The following YTHDC2 variants were observed in gnomAD, a reference collection of about 807,000 sequenced individuals.
YTHDC2 encodes the protein 3'-5' RNA helicase YTHDC2.
In YTHDC2, 45 loss-of-function variants were observed where a neutral mutation model predicts 174.9. The observed-to-expected ratio is 0.26, with a 90% CI of 0.20 to 0.33. The LOEUF is 0.33. Among genes scored for constraint, YTHDC2 ranks in the 10% least tolerant of loss-of-function variants. The pLI, the probability that YTHDC2 is intolerant of heterozygous loss-of-function variation, is 1.00. For synonymous variants in YTHDC2, 657 were observed against 574.5 expected (o/e 1.14, Z -2.05); for missense variants, 1,650 against 1,723.7 (o/e 0.96, Z 0.76).
intron 17 of YTHDC2, among the ~76,000 whole-genome samples, chr5:113,560,150 C>T (rs1239488808): frequency 1.3e-5 from 2 of 152,152 alleles, no homozygotes; most frequent in Non-Finnish European, 2.9e-5. Context: ...ATTAGGCATC[C>T]ACCTTATAGT....
chr5:113,540,839 T>A (rs1344693478), intron 8 of YTHDC2, 129 bp from the exon 9 acceptor site: 1 of 786,416 alleles, frequency 1.3e-6, no homozygotes, highest in Non-Finnish European at 1.9e-6. Flanking sequence ...AATATATTTT[T>A]TAAAAGTAAC....
In YTHDC2 at chr5:113,514,113, G is replaced by T. The variant is rs747864421; in HGVS notation, c.187+31G>T. On this transcript the variant is annotated intron_variant, in intron 1 of 29. Transcript: ENST00000161863. ...GTTCCGGACAGGGACCATGCTGGCA[G>T]TCAGGATACCCCCCTCACCCCAGCG... 5.6e-6 allele frequency: 9 copies of T among 1,598,834 alleles called. No homozygotes were observed. The South Asian group carries it at 1.0e-4, about 18-fold the overall frequency.
rs141717870 is a variant in YTHDC2, at chr5:113,584,405, T to C, written c.3751T>C (p.Ser1251Pro). The C allele has an allele frequency of 2.2e-4, 357 of 1,613,876 alleles. 1 individual carries two copies. In the African/African-American group the frequency reaches 4.4e-3, roughly 20 times the overall value. The change falls in exon 26 of 30, where the codon TCT becomes CCT. Residue 1251 changes from serine (S) to proline (P), a missense_variant. Ser to Pro is a moderately conservative substitution (Grantham distance 74). This residue lies in a region of YTHDC2 where 913 missense variants were observed against 940.4 expected (regional missense o/e 0.97). Coordinates refer to ENST00000161863, the MANE Select transcript of YTHDC2 (RefSeq NM_022828.5). ...AGGTACTGAGGACCGATCAGATCAG[T>C]CTTCTCTGAAATCTACAGACAGCAG... ...KRGTEDRSDQ[S>P]SLKSTDSSSY... is the part of the protein sequence containing the mutation.
At position 113,564,111 on chromosome 5, in the gene YTHDC2, G is replaced by A; in HGVS notation, c.2695G>A (p.Ala899Thr). The A allele has an allele frequency of 1.2e-6, 2 of 1,614,004 alleles. No homozygotes were observed. The highest frequency in any genetic ancestry group is 8.5e-7 in the Non-Finnish European group (1 of 1,179,986). The change falls in exon 20 of 30, where the codon GCA becomes ACA. Residue 899 changes from alanine to threonine, a missense_variant. Ala to Thr is a moderately conservative substitution (Grantham distance 58). Coordinates refer to ENST00000161863, the MANE Select transcript of YTHDC2 (RefSeq NM_022828.5). ...TGCAGGAGCTTTCAGTGACCATATG[G>A]CACTTCTCAGAGCATTCCAGGTACT... ...FTAGAFSDHM[A>T]LLRAFQAWQK...
intron 8 of YTHDC2, 105 bp from the exon 9 acceptor site, chr5:113,540,863 C>A (rs1485794183): frequency 3.1e-5 from 34 of 1,101,560 alleles, no homozygotes; most frequent in Non-Finnish European, 4.0e-5. Context: ...AGAATAAGAC[C>A]AACTTTTAAG....
chr5:113,537,435 A>G (rs1775161376), intron 7 of YTHDC2, among the ~76,000 whole-genome samples: 1 of 144,760 alleles, frequency 6.9e-6, no homozygotes, highest in African/African-American at 2.6e-5. Flanking sequence ...GCTAAACCTC[A>G]TTCTTCATTA....
chr5:113,557,556 G>A (rs1776695246), intron 17 of YTHDC2, among the ~76,000 whole-genome samples: 1 of 152,144 alleles, frequency 6.6e-6, no homozygotes, highest in African/African-American at 2.4e-5. Flanking sequence ...CACTTTGGGA[G>A]CCTGAGGTGG....
At chr5:113,551,819 TC>T (rs779581184) in intron 12 of YTHDC2, among the ~76,000 whole-genome samples, 3 of 152,146 alleles carry the variant, frequency 2.0e-5, no homozygotes, top group Non-Finnish European at 4.4e-5. Flanking sequence ...TTGAAAATAG[TC>T]TTACGTTATT....
chr5:113,540,012 C>G (rs1298516173), intron 8 of YTHDC2, among the ~76,000 whole-genome samples: 1 of 152,156 alleles, frequency 6.6e-6, no homozygotes, highest in African/African-American at 2.4e-5. Context: ...AGGGATCCTC[C>G]CACCTCAGCC....
rs1776387642 is a variant in YTHDC2 at position 113,553,320 on chromosome 5, A to T, written c.1828A>T (p.Met610Leu). Reference sequence around the variant, plus strand: ...TGAAAAAGTAGACTTGGATTTGATCATGCATCTTCTATACAATATCTGCCA... The same window carrying T: ...TGAAAAAGTAGACTTGGATTTGATCTTGCATCTTCTATACAATATCTGCCA... Reference protein sequence around the residue: ...DDEKVDLDLIMHLLYNICHSC... With the variant: ...DDEKVDLDLILHLLYNICHSC... The change falls in exon 13 of 30, where the codon ATG becomes TTG. Residue 610 changes from methionine to leucine, a missense_variant. Around this residue, in one of 5 missense-constraint regions of YTHDC2, gnomAD observed 411 missense variants for 380.6 expected, o/e 1.08. Coordinates refer to ENST00000161863, the MANE Select transcript of YTHDC2 (RefSeq NM_022828.5). The T allele has an allele frequency of 1.9e-6, 3 of 1,610,368 alleles. No individual in the cohort carries two copies. The highest frequency in any genetic ancestry group is 8.5e-7 in the Non-Finnish European group (1 of 1,178,694).
chr5:113,552,513 A>G (rs1440240896), intron 12 of YTHDC2, among the ~76,000 whole-genome samples: 1 of 152,120 alleles, frequency 6.6e-6, no homozygotes, highest in East Asian at 1.9e-4. Context: ...TATTTTTATG[A>G]CTAATACATA....
At position 113,532,965 on chromosome 5, in the gene YTHDC2, C is replaced by T. The variant is rs199867041; in HGVS notation, c.762C>T (p.Ile254=). 5.4e-5 allele frequency: 87 copies of T among 1,614,168 alleles called. No individual in the cohort carries two copies. Among genetic ancestry groups the T allele is most frequent in the Non-Finnish European group, 6.5e-5 (77 of 1,180,030 alleles). The stretch of plus-strand genomic sequence containing the variant: ...CTCAACCAAGACGATTGGCAGCTAT[C>T]GCTGTGGCTGAAAGAGTTGCCGCAG... ...FCTQPRRLAA[I]AVAERVAAER... Residue 254 remains isoleucine (I), a synonymous_variant, in exon 5 of 30, where the codon ATC becomes ATT. Transcript: ENST00000161863.
At chr5:113,592,581 TTTC>T (rs1779066946) in intron 28 of YTHDC2, 1 of 152,868 alleles carries the variant, frequency 6.5e-6, no homozygotes. Flanking sequence ...ATATAATTTA[TTTC>T]TTATGATTAA....
At chr5:113,562,772 C>T (rs1371073633) in intron 18 of YTHDC2, among the ~76,000 whole-genome samples, 1 of 152,182 alleles carries the variant, frequency 6.6e-6, no homozygotes, top group African/African-American at 2.4e-5. Context: ...CTATCTGTAA[C>T]TTCCCATGGT....
chr5:113,543,606 A>G (rs1775634101), intron 10 of YTHDC2, among the ~76,000 whole-genome samples: 1 of 152,196 alleles, frequency 6.6e-6, no homozygotes, highest in African/African-American at 2.4e-5. Context: ...TCCTTTCATA[A>G]AGGAAATTGG....
Position 113,514,081 on chromosome 5 carries a change from A to T in YTHDC2, c.186A>T (p.Arg62Ser). Residue 62 changes from arginine (R) to serine (S), a missense_variant and splice_region_variant, in exon 1 of 30, where the codon AGA (arginine) becomes AGT (serine). Physicochemically the swap from Arg to Ser is moderately radical, Grantham distance 110. Around this residue, in one of 5 missense-constraint regions of YTHDC2, gnomAD observed 304 missense variants for 341.4 expected, o/e 0.89. Coordinates refer to ENST00000161863, the MANE Select transcript of YTHDC2 (RefSeq NM_022828.5). The stretch of plus-strand genomic sequence containing the variant: ...AGCGCTTCCGATACGGGGACCAGAG[A>T]GGTGAGGTTCCGGACAGGGACCATG... ...ALERFRYGDQ[R>S]EMEFPSSLTS... 1 of 1,611,130 alleles carries T rather than the reference A, an allele frequency of 6.2e-7. No homozygotes were observed. Among genetic ancestry groups the T allele is most frequent in the Non-Finnish European group, 8.5e-7 (1 of 1,178,928 alleles).
intron 10 of YTHDC2, 142 bp from the exon 11 acceptor site, chr5:113,548,399 G>A (rs1433182807): frequency 1.4e-6 from 1 of 690,554 alleles, no homozygotes. Flanking sequence ...GGGTTATGTA[G>A]TGCTGTCATT....
intron 24 of YTHDC2, among the ~76,000 whole-genome samples, chr5:113,580,998 A>G (rs950244433): frequency 6.6e-6 from 1 of 152,098 alleles, no homozygotes; most frequent in African/African-American, 2.4e-5. Context: ...ATATTTTGCA[A>G]TCATTTAGGA....
At chr5:113,576,296 A>G (rs1481525557) in intron 23 of YTHDC2, among the ~76,000 whole-genome samples, 1 of 152,160 alleles carries the variant, frequency 6.6e-6, no homozygotes, top group Non-Finnish European at 1.5e-5. Context: ...GTTTCAAGAA[A>G]GGAGTGGTTA....
Sources: allele counts gnomAD v4.1 joint callset (sites outside exome capture counted in the v4.1 genomes callset), GRCh38; gene constraint gnomAD v4.1.1; regional missense constraint gnomAD v4.1.1; transcripts MANE v1.5; gene names NCBI Gene and HGNC (gene_info 2026-07-23, HGNC 2026-07-21).